CSMD1: variants seen among roughly 807,000 people sequenced by gnomAD.
The protein encoded by CSMD1 is CUB and sushi domain-containing protein 1.
CSMD1 carries 213 observed loss-of-function variants against 417.5 expected under a neutral mutation model. The observed-to-expected ratio is 0.51, with a 90% CI of 0.46 to 0.57. The LOEUF (loss-of-function observed/expected upper bound fraction) is 0.57. Ranked by LOEUF, CSMD1 falls within the 20% of genes least tolerant of loss-of-function variation. The probability of loss-of-function intolerance (pLI) is 0.00; values close to 1 mark genes in which losing one functional copy is unlikely to be tolerated. For synonymous variants in CSMD1, 2,862 were observed against 1,736.8 expected, an observed-to-expected ratio of 1.65 and a Z score of -16.11; for missense variants, 6,923 against 4,529.7, an observed-to-expected ratio of 1.53 and a Z score of -15.17.
In CSMD1 at chr8:3,975,069, G is replaced by T. The variant is rs143391308; in HGVS notation, c.818+22834C>A. On this transcript the variant is annotated intron_variant, in intron 5 of 69. Coordinates refer to ENST00000635120, the MANE Select transcript of CSMD1 (RefSeq NM_033225.6). ...ATTTGCTAATATACATCTGTACACT[G>T]AAGTTTATTTCTTAACGTTAAAAAC... Among the ~76,000 whole-genome samples the T allele has an allele frequency of 6.6e-3, 1,007 of 152,158 alleles. 15 individuals carry two copies. The highest frequency in any genetic ancestry group is 0.023 in the African/African-American group (937 of 41,502).
chr8:3,115,484 G>A (rs1300891112), intron 42 of CSMD1, among the ~76,000 whole-genome samples: 1 of 152,088 alleles, frequency 6.6e-6, no homozygotes, highest in Non-Finnish European at 1.5e-5. Flanking sequence ...TTACAGGCGT[G>A]AGCCACTGTG....
In CSMD1 at chr8:3,287,565, T is replaced by C. The variant is rs529479668; in HGVS notation, c.3951-3219A>G. 6.8e-4 allele frequency among the ~76,000 whole-genome samples: 103 copies of C among 152,318 alleles called. 1 individual carries two copies. In the East Asian group the frequency reaches 0.02, roughly 29 times the overall value. On this transcript the variant is annotated intron_variant, in intron 25 of 69. Transcript: ENST00000635120. ...AGGTATTTTATTCTCTTTGAAGCAA[T>C]TGTGAATGGGAGTTCACTCATGATT... is the stretch of plus-strand genomic sequence containing the variant.
At chr8:4,296,535 T>A (rs532717976) in intron 3 of CSMD1, among the ~76,000 whole-genome samples, 1 of 152,090 alleles carries the variant, frequency 6.6e-6, no homozygotes, top group Non-Finnish European at 1.5e-5. Context: ...ATGTTAAGCA[T>A]TATTCACTAC....
chr8:4,348,943 T>TGC (rs1800931756), intron 3 of CSMD1, among the ~76,000 whole-genome samples: 1 of 152,130 alleles, frequency 6.6e-6, no homozygotes, highest in Non-Finnish European at 1.5e-5. Context: ...AACCAGACAG[T>TGC]GCCCTCAGAA....
At position 4,266,312 on chromosome 8, in the gene CSMD1, A is replaced by G. The variant is rs1176986530; in HGVS notation, c.415+153641T>C. On this transcript the variant is annotated intron_variant, in intron 3 of 69. Coordinates refer to ENST00000635120, the MANE Select transcript of CSMD1 (RefSeq NM_033225.6). ...GTTTTCTATGTAAGAGAAACTGTCC[A>G]GGTCTTAGAAACAGTTGATTTTGGA... Among the ~76,000 whole-genome samples, 4 of 105,194 alleles carry G rather than the reference A, an allele frequency of 3.8e-5. 1 individual carries two copies. The highest frequency in any genetic ancestry group is 1.8e-4 in the Admixed American group (2 of 11,112). The allele number at this position is 105,194 out of a possible 152,430, so 69.0% of individuals were successfully genotyped here.
chr8:3,801,759 T>C lies in CSMD1; in HGVS notation c.819-47717A>G, dbSNP rs1040695757. On this transcript the variant is annotated intron_variant, in intron 5 of 69. Coordinates refer to ENST00000635120, the MANE Select transcript of CSMD1 (RefSeq NM_033225.6). The stretch of plus-strand genomic sequence containing the variant: ...ACTGATGACTCTGGACAAACTAATA[T>C]AGCATACACATTCAGTAGCATTTTA... Among the ~76,000 whole-genome samples, 4 of 152,190 alleles carry C rather than the reference T, an allele frequency of 2.6e-5. No individual in the cohort carries two copies. In the East Asian group the frequency reaches 5.8e-4, roughly 22 times the overall value.
At position 3,124,381 on chromosome 8, in the gene CSMD1, G is replaced by C. The variant is rs201509468; in HGVS notation, c.6242-5794C>G. ...AAAATAAAAAGTGGATTGAAGTAAA[G>C]AAAATATAAAACCTGGTTAAGGTTA... On this transcript the variant is annotated intron_variant, in intron 41 of 69. Coordinates refer to ENST00000635120, the MANE Select transcript of CSMD1 (RefSeq NM_033225.6). Among the ~76,000 whole-genome samples the C allele has an allele frequency of 3.9e-5, 6 of 152,278 alleles. No individual in the cohort carries two copies. The South Asian group carries it at 1.0e-3, about 26-fold the overall frequency.
intron 1 of CSMD1, among the ~76,000 whole-genome samples, chr8:4,977,656 T>C (rs368952714): frequency 6.6e-6 from 1 of 152,198 alleles, no homozygotes; most frequent in Non-Finnish European, 1.5e-5. Context: ...CAGACCCAGA[T>C]GCCTCACTAG....
chr8:3,772,891 T>C (rs538389268), intron 5 of CSMD1, among the ~76,000 whole-genome samples: 1 of 151,960 alleles, frequency 6.6e-6, no homozygotes, highest in East Asian at 1.9e-4. Flanking sequence ...AATGAAAATA[T>C]CACAGATGAG....
intron 12 of CSMD1, among the ~76,000 whole-genome samples, chr8:3,468,236 C>G (rs1816891611): frequency 6.6e-6 from 1 of 152,134 alleles, no homozygotes. Context: ...TATCAGTTTT[C>G]TATAACTTGT....
chr8:3,547,518 T>C (rs10094555), intron 10 of CSMD1, among the ~76,000 whole-genome samples: 1 of 151,936 alleles, frequency 6.6e-6, no homozygotes, highest in African/African-American at 2.4e-5. Flanking sequence ...TGATCACGTC[T>C]CTCAAATAAG....
chr8:4,725,331 T>A (rs1281795605), intron 1 of CSMD1, among the ~76,000 whole-genome samples: 1 of 152,214 alleles, frequency 6.6e-6, no homozygotes, highest in East Asian at 1.9e-4. Context: ...ATTATCAGCA[T>A]CCAGTTCTAG....
chr8:4,484,803 A>G (rs959019289), intron 2 of CSMD1, among the ~76,000 whole-genome samples: 19 of 151,886 alleles, frequency 1.3e-4, no homozygotes, highest in Non-Finnish European at 2.6e-4. Flanking sequence ...CCCCGTCTCT[A>G]CTAAAAAATA....
intron 26 of CSMD1, among the ~76,000 whole-genome samples, chr8:3,251,112 G>T (rs1382867430): frequency 1.3e-5 from 2 of 152,056 alleles, no homozygotes; most frequent in South Asian, 4.1e-4. Flanking sequence ...CATTGCTTTT[G>T]GTGTTTTAGA....
At chr8:4,763,530 T>C (rs1212596934) in intron 1 of CSMD1, among the ~76,000 whole-genome samples, 1 of 152,210 alleles carries the variant, frequency 6.6e-6, no homozygotes, top group African/African-American at 2.4e-5. Flanking sequence ...ACCATTTTTC[T>C]ATGGTTGGGG....
chr8:3,272,318 G>A (rs1287196257), intron 26 of CSMD1, among the ~76,000 whole-genome samples: 1 of 146,336 alleles, frequency 6.8e-6, no homozygotes, highest in African/African-American at 2.5e-5. Flanking sequence ...GTACCATGCT[G>A]TTTTGGTTAC....
intron 3 of CSMD1, among the ~76,000 whole-genome samples, chr8:4,170,383 C>A (rs535707070): frequency 2.0e-5 from 3 of 151,868 alleles, no homozygotes; most frequent in African/African-American, 7.3e-5. Flanking sequence ...AAATTGAATT[C>A]AAGAGCCACC....
intron 26 of CSMD1, among the ~76,000 whole-genome samples, chr8:3,273,324 T>G (rs1424003023): frequency 2.6e-5 from 4 of 152,204 alleles, no homozygotes; most frequent in East Asian, 1.9e-4. Flanking sequence ...TGCTGCTGGA[T>G]TCGGTTTGCC....
chr8:3,257,311 T>A (rs60460823), intron 26 of CSMD1, among the ~76,000 whole-genome samples: 3,982 of 152,138 alleles, frequency 0.026, 153 homozygotes, highest in African/African-American at 0.09. Flanking sequence ...GCTATAAGAG[T>A]GAAACTCCAT....
Sources: allele counts gnomAD v4.1 joint callset (sites outside exome capture counted in the v4.1 genomes callset), GRCh38; gene constraint gnomAD v4.1.1; transcripts MANE v1.5; gene names NCBI Gene and HGNC (gene_info 2026-07-23, HGNC 2026-07-21).